NIPSNAP1: variants seen among roughly 807,000 people sequenced by gnomAD.
NIPSNAP1 encodes nipsnap homolog 1.
In NIPSNAP1, 25 loss-of-function variants were observed where a neutral mutation model predicts 49.2. That is an observed-to-expected ratio of 0.51 (90% confidence interval 0.37 to 0.71). The LOEUF (loss-of-function observed/expected upper bound fraction) is 0.71. Among genes scored for constraint, NIPSNAP1 ranks in the 30% least tolerant of loss-of-function variants. The pLI is 0.00. For synonymous variants in NIPSNAP1, 143 were observed against 140.7 expected (o/e 1.02, Z -0.12); for missense variants, 294 against 361.0 (o/e 0.81, Z 1.50).
intron 4 of NIPSNAP1, among the ~76,000 whole-genome samples, chr22:29,567,381 A>T (rs1207453149): frequency 6.6e-6 from 1 of 152,156 alleles, no homozygotes; most frequent in African/African-American, 2.4e-5. Flanking sequence ...TGTGCTGCAT[A>T]TTGGGGATTC....
chr22:29,579,289 C>CTTTTTT (rs34084606), intron 1 of NIPSNAP1, among the ~76,000 whole-genome samples: 2 of 57,372 alleles, frequency 3.5e-5, no homozygotes, highest in East Asian at 3.6e-4. Context: ...AATTTTTGTA[C>CTTTTTT]TTTTTTTTTT....
chr22:29,564,338 G>A (rs1026886070), intron 4 of NIPSNAP1: 1 of 470,942 alleles, frequency 2.1e-6, no homozygotes, highest in African/African-American at 2.0e-5. Flanking sequence ...CAAAAGTACT[G>A]TATGGATAGA....
chr22:29,577,765 C>T (rs1246045015), intron 1 of NIPSNAP1, among the ~76,000 whole-genome samples: 2 of 148,942 alleles, frequency 1.3e-5, no homozygotes, highest in African/African-American at 2.5e-5. Flanking sequence ...CGGAGTCTCC[C>T]TCTGTTGCCC....
rs141649074 is a variant in NIPSNAP1, at chr22:29,562,125, G to C, written c.368-263C>G. Among the ~76,000 whole-genome samples the C allele has an allele frequency of 3.7e-3, 562 of 152,220 alleles. 17 individuals are homozygous for C. The highest frequency in any genetic ancestry group is 0.033 in the Admixed American group (500 of 15,266). On this transcript the variant is annotated intron_variant, in intron 4 of 9. Coordinates refer to ENST00000216121, the MANE Select transcript of NIPSNAP1 (RefSeq NM_003634.4). ...CTCTAGGCCTCAATGTTCTCATCTT[G>C]AAAATGGGAATAATGTTCCCACCCC...
At chr22:29,580,275 GGAGT>G in intron 1 of NIPSNAP1, 1 of 1,263,500 alleles carries the variant, frequency 7.9e-7, no homozygotes, top group Non-Finnish European at 1.0e-6. Context: ...TGGGGACCAA[GGAGT>G]GAGGGGCTGC....
At position 29,555,932 on chromosome 22, in the gene NIPSNAP1, G is replaced by T; in HGVS notation, c.*3C>A. ...GGGGAAGGAGGTGGAGGTGTAGGCA[G>T]CATCACTGCAGAGGCGAGATCTTCA... On this transcript the variant is annotated 3_prime_UTR_variant, in exon 10 of 10. Transcript: ENST00000216121. 6.4e-7 allele frequency: 1 copy of T among 1,551,352 alleles called. No individual in the cohort carries two copies. Among genetic ancestry groups the T allele is most frequent in the South Asian group, 1.2e-5 (1 of 84,032 alleles).
At chr22:29,556,505 CAA>C (rs1328721213) in intron 9 of NIPSNAP1, among the ~76,000 whole-genome samples, 1 of 151,678 alleles carries the variant, frequency 6.6e-6, no homozygotes, top group Non-Finnish European at 1.5e-5. Flanking sequence ...GCCTGGGCAA[CAA>C]GAGCAAAACT....
At chr22:29,573,807 A>G (rs926474022) in intron 1 of NIPSNAP1, among the ~76,000 whole-genome samples, 4 of 146,282 alleles carry the variant, frequency 2.7e-5, no homozygotes, top group Non-Finnish European at 4.5e-5. Context: ...TCGAGTGTCA[A>G]GTGCGCCTGT....
At chr22:29,580,713 C>T (rs2064491318) in intron 1 of NIPSNAP1, among the ~76,000 whole-genome samples, 1 of 152,138 alleles carries the variant, frequency 6.6e-6, no homozygotes, top group African/African-American at 2.4e-5. Flanking sequence ...TCTGCCCTCT[C>T]CCACTCTCCA....
At chr22:29,574,822 T>C (rs570703261) in intron 1 of NIPSNAP1, among the ~76,000 whole-genome samples, 1 of 150,894 alleles carries the variant, frequency 6.6e-6, no homozygotes, top group African/African-American at 2.4e-5. Flanking sequence ...AGATGGGTAG[T>C]GCGGTCTGTG....
chr22:29,569,678 TAA>T (rs35756780), intron 3 of NIPSNAP1, among the ~76,000 whole-genome samples: 338 of 140,080 alleles, frequency 2.4e-3, no homozygotes, highest in Middle Eastern at 0.011. Flanking sequence ...GACCATCTCT[TAA>T]AAAAAAAAAA....
At chr22:29,576,874 G>A (rs982726736) in intron 1 of NIPSNAP1, among the ~76,000 whole-genome samples, 4 of 149,142 alleles carry the variant, frequency 2.7e-5, no homozygotes, top group African/African-American at 7.6e-5. Context: ...GCAGTGAGCC[G>A]AAATCGCGCC....
At chr22:29,564,390 C>T (rs978503113) in intron 4 of NIPSNAP1, 42 of 470,706 alleles carry the variant, frequency 8.9e-5, no homozygotes, top group Non-Finnish European at 1.4e-4. Flanking sequence ...AACGGATTAA[C>T]GGAGAAAAGT....
chr22:29,580,871 TA>T, intron 1 of NIPSNAP1, 113 bp downstream of exon 1: 2 of 852,904 alleles, frequency 2.3e-6, no homozygotes, highest in Non-Finnish European at 3.5e-6. Flanking sequence ...GCCCCGCCTC[TA>T]ACCCCCAGAT....
intron 7 of NIPSNAP1, 140 bp from the exon 8 acceptor site, chr22:29,560,968 C>CGGGGT: frequency 1.1e-6 from 1 of 917,468 alleles, no homozygotes. Flanking sequence ...GGACTGATGG[C>CGGGGT]GGGGTGTTCT....
chr22:29,559,412 C>T (rs116349808), intron 8 of NIPSNAP1, among the ~76,000 whole-genome samples: 3,313 of 152,170 alleles, frequency 0.022, 135 homozygotes, highest in African/African-American at 0.075. Flanking sequence ...TACTGCATGC[C>T]TGTAATCCCA....
At chr22:29,570,123 C>T (rs1333992913) in intron 3 of NIPSNAP1, 39 bp downstream of exon 3, 1 of 1,601,236 alleles carries the variant, frequency 6.2e-7, no homozygotes, top group Admixed American at 1.7e-5. Context: ...TGTTCCCCAC[C>T]CAAGCAGGGG....
At chr22:29,563,287 T>C (rs1473497603) in intron 4 of NIPSNAP1, among the ~76,000 whole-genome samples, 1 of 151,420 alleles carries the variant, frequency 6.6e-6, no homozygotes, top group Non-Finnish European at 1.5e-5. Flanking sequence ...TAATCAACTT[T>C]GGGAGGCTGA....
At chr22:29,563,580 A>G (rs191441073) in intron 4 of NIPSNAP1, among the ~76,000 whole-genome samples, 1 of 152,274 alleles carries the variant, frequency 6.6e-6, no homozygotes, top group African/African-American at 2.4e-5. Flanking sequence ...ATCTGCACTG[A>G]GTTGAACAAT....
Sources: gnomAD v4.1 joint callset for allele counts (sites outside exome capture counted in the v4.1 genomes callset) on GRCh38, gnomAD v4.1.1 for gene constraint, MANE v1.5 for transcripts, NCBI Gene and HGNC (gene_info 2026-07-23, HGNC 2026-07-21) for gene names.